Variants in IKZF1 observed in about 807,000 individuals in gnomAD.
IKZF1 encodes IKAROS family zinc finger 1.
Under a neutral mutation model 51.7 loss-of-function variants are expected in IKZF1, and 10 were observed. That is an observed-to-expected ratio of 0.19 (90% CI 0.12 to 0.33). IKZF1 has a LOEUF of 0.33. IKZF1 is among the 10% of genes least tolerant of loss of function. IKZF1 has a pLI of 1.00. For synonymous variants in IKZF1, 280 were observed against 282.3 expected, an observed-to-expected ratio of 0.99 and a Z score of 0.08; for missense variants, 484 against 707.5, an observed-to-expected ratio of 0.68 and a Z score of 3.58.
intron 5 of IKZF1, among the ~76,000 whole-genome samples, chr7:50,386,561 A>T (rs577984666): frequency 6.4e-4 from 98 of 152,290 alleles, no homozygotes; most frequent in Non-Finnish European, 1.2e-3. Flanking sequence ...TCAGTTTATG[A>T]ACAATATATT....
intron 3 of IKZF1, chr7:50,329,072 C>CAAAAA (rs754431183): frequency 3.3e-5 from 3 of 91,722 alleles, no homozygotes; most frequent in Non-Finnish European, 4.3e-5. Flanking sequence ...GACTCCATCT[C>CAAAAA]AAAAAAAAAA....
intron 5 of IKZF1, among the ~76,000 whole-genome samples, chr7:50,383,623 C>T (rs955694943): frequency 2.6e-5 from 4 of 152,170 alleles, no homozygotes; most frequent in East Asian, 1.9e-4. Context: ...CATGAGACTT[C>T]GGAGGCGAAA....
At chr7:50,321,797 T>G (rs559693107) in intron 2 of IKZF1, among the ~76,000 whole-genome samples, 1 of 152,292 alleles carries the variant, frequency 6.6e-6, no homozygotes, top group South Asian at 2.1e-4. Flanking sequence ...TTTTCTTGTC[T>G]TTACCATAAT....
At chr7:50,322,927 G>A (rs1028395586) in intron 2 of IKZF1, among the ~76,000 whole-genome samples, 2 of 152,024 alleles carry the variant, frequency 1.3e-5, no homozygotes, top group African/African-American at 4.8e-5. Context: ...TTGGTTTAAT[G>A]CTATTTGTAG....
upstream of IKZF1, chr7:50,304,320 C>G (rs936960849): frequency 6.7e-6 from 1 of 149,358 alleles, no homozygotes; most frequent in Non-Finnish European, 1.5e-5. Flanking sequence ...GCGCGCCCCG[C>G]TCCCTGTACC....
chr7:50,306,055 G>A (rs1788701977), intron 1 of IKZF1, among the ~76,000 whole-genome samples: 1 of 152,200 alleles, frequency 6.6e-6, no homozygotes, highest in Admixed American at 6.5e-5. Context: ...ATATTAGAAT[G>A]TGTCAGAATT....
At chr7:50,372,324 G>A (rs1808942501) in intron 3 of IKZF1, among the ~76,000 whole-genome samples, 2 of 152,194 alleles carry the variant, frequency 1.3e-5, no homozygotes, top group African/African-American at 4.8e-5. Context: ...GCCCCGTGGT[G>A]ACGGTGTTGC....
chr7:50,320,142 T>C (rs902893180), intron 2 of IKZF1, among the ~76,000 whole-genome samples: 21 of 152,208 alleles, frequency 1.4e-4, no homozygotes, highest in African/African-American at 5.1e-4. Context: ...CTTATTTTTC[T>C]TTTAGAGTGA....
chr7:50,352,873 A>G (rs1314359984), intron 3 of IKZF1, among the ~76,000 whole-genome samples: 1 of 152,212 alleles, frequency 6.6e-6, no homozygotes, highest in African/African-American at 2.4e-5. Flanking sequence ...TCACTATCCT[A>G]AATTTGTATA....
chr7:50,400,859 A>G lies in IKZF1; in HGVS notation c.*232A>G, dbSNP rs1817995710. 4 of 575,732 alleles carry G rather than the reference A, an allele frequency of 6.9e-6. No individual in the cohort carries two copies. Among genetic ancestry groups the G allele is most frequent in the South Asian group, 6.6e-5 (3 of 45,664 alleles). The allele number at this position is 575,732 out of a possible 1,614,324, so 35.7% of individuals were successfully genotyped here. On this transcript the variant is annotated 3_prime_UTR_variant, in exon 8 of 8. Coordinates refer to ENST00000331340, the MANE Select transcript of IKZF1 (RefSeq NM_006060.6). The surrounding 1 kb of genome is among the most constrained non-coding windows in gnomAD (Gnocchi z 5.4). ...TGCATTGGGAGCATCCAGAACTGCT[A>G]CCTTCCTAGATGTTTCCCCAGACCG... is the stretch of plus-strand genomic sequence containing the variant.
intron 7 of IKZF1, among the ~76,000 whole-genome samples, chr7:50,398,018 C>T (rs1044990489): frequency 3.3e-5 from 5 of 152,200 alleles, no homozygotes; most frequent in African/African-American, 1.2e-4. Context: ...CTGGACAATT[C>T]TTAATGGTCA....
chr7:50,305,590 C>T (rs868005342), intron 1 of IKZF1, among the ~76,000 whole-genome samples: 1 of 152,158 alleles, frequency 6.6e-6, no homozygotes, highest in African/African-American at 2.4e-5. Flanking sequence ...TAGGGTCTGA[C>T]CAGGCACAGC....
intron 6 of IKZF1, among the ~76,000 whole-genome samples, chr7:50,389,153 G>C (rs1047187538): frequency 2.6e-5 from 4 of 152,212 alleles, no homozygotes; most frequent in African/African-American, 7.2e-5. Context: ...GTTTTTGAAT[G>C]TGACCCAGAG....
In IKZF1 at chr7:50,306,583, G is replaced by A. The variant is rs192754231; in HGVS notation, c.-15+1661G>A. Among the ~76,000 whole-genome samples the A allele has an allele frequency of 3.8e-3, 585 of 152,334 alleles. 2 individuals carry two copies. The highest frequency in any genetic ancestry group is 0.01 in the Middle Eastern group (3 of 294). On this transcript the variant is annotated intron_variant, in intron 1 of 7. Coordinates refer to ENST00000331340, the MANE Select transcript of IKZF1 (RefSeq NM_006060.6). Reference sequence around the variant, plus strand: ...CACAAGGGCTGCAGATAAAAGTCTGGATGTGTTAGGTTTGACCCTTTCGAA... The same window carrying A: ...CACAAGGGCTGCAGATAAAAGTCTGAATGTGTTAGGTTTGACCCTTTCGAA...
chr7:50,382,984 C>G (rs1173165913), intron 5 of IKZF1, among the ~76,000 whole-genome samples: 1 of 152,168 alleles, frequency 6.6e-6, no homozygotes, highest in Non-Finnish European at 1.5e-5. Context: ...GAACAGGCCT[C>G]CTCATCCCGT....
chr7:50,354,136 C>T (rs1386154384), intron 3 of IKZF1, among the ~76,000 whole-genome samples: 1 of 152,220 alleles, frequency 6.6e-6, no homozygotes, highest in East Asian at 1.9e-4. Flanking sequence ...TAGCAGTTCT[C>T]CCTGGTGTGG....
chr7:50,399,822 C>G, intron 7 of IKZF1, 96 bp from the exon 8 acceptor site: 1 of 1,497,096 alleles, frequency 6.7e-7, no homozygotes, highest in Non-Finnish European at 8.9e-7. Flanking sequence ...CCGTGTTCCC[C>G]TTCCCCTCCC....
intron 1 of IKZF1, among the ~76,000 whole-genome samples, chr7:50,316,353 T>C (rs1791529390): frequency 6.6e-6 from 1 of 152,044 alleles, no homozygotes; most frequent in Admixed American, 6.5e-5. Context: ...AGAAACAATG[T>C]GGTTGAAATT....
chr7:50,400,441 G>A lies in IKZF1; in HGVS notation c.1374G>A (p.Gln458=), dbSNP rs1817882646. ...GCGTGGTCAGCACCAGCGGGGAGCA[G>A]ATGAAGGTGTACAAGTGCGAACACT... ...ALRVVSTSGE[Q]MKVYKCEHCR... The change falls in exon 8 of 8, where the codon CAG becomes CAA. Residue 458 remains glutamine (Q), a synonymous_variant. Transcript: ENST00000331340. This position sits in a 1 kb window ranked among gnomAD's most constrained non-coding sequence, Gnocchi z 5.4. The A allele has an allele frequency of 6.2e-7, 1 of 1,614,000 alleles. No individual in the cohort carries two copies. Among genetic ancestry groups the A allele is most frequent in the South Asian group, 1.1e-5 (1 of 91,084 alleles).
Sources: gnomAD v4.1 joint callset for allele counts (sites outside exome capture counted in the v4.1 genomes callset) on GRCh38, gnomAD v4.1.1 for gene constraint, Gnocchi (gnomAD v3.1) non-coding constraint, MANE v1.5 for transcripts, NCBI Gene and HGNC (gene_info 2026-07-23, HGNC 2026-07-21) for gene names.